The following ARG1 variants were observed in gnomAD, a reference collection of about 807,000 sequenced individuals.
ARG1 encodes arginase-1.
A neutral mutation model predicts 33.0 loss-of-function variants in ARG1; 20 were observed. That is an observed-to-expected ratio of 0.61 (90% CI 0.43 to 0.88). The LOEUF is 0.88. Ranked by LOEUF, ARG1 falls within the 40% of genes least tolerant of loss-of-function variation. The pLI, the probability that ARG1 is intolerant of heterozygous loss-of-function variation, is 0.00. For missense variants in ARG1, 374 were observed against 384.7 expected, an observed-to-expected ratio of 0.97 and a Z score of 0.23; for synonymous variants, 146 against 140.6, an observed-to-expected ratio of 1.04 and a Z score of -0.27.
chr6:131,573,534 G>A lies in ARG1; in HGVS notation c.57+195G>A, dbSNP rs9493029. Among the ~76,000 whole-genome samples, 1,346 of 152,044 alleles carry A rather than the reference G, an allele frequency of 8.9e-3. 22 individuals are homozygous for A. Among genetic ancestry groups the A allele is most frequent in the African/African-American group, 0.031 (1,268 of 41,486 alleles). On this transcript the variant is annotated intron_variant, in intron 1 of 7. Coordinates refer to ENST00000368087, the MANE Select transcript of ARG1 (RefSeq NM_000045.4). ...ACATATCCACTTACTTTTGTGGCTC[G>A]TGATCTCAGCCAAGGCTAAATTCAT...
intron 2 of ARG1, among the ~76,000 whole-genome samples, chr6:131,578,231 G>GT (rs1773725605): frequency 6.7e-6 from 1 of 148,284 alleles, no homozygotes; most frequent in Non-Finnish European, 1.5e-5. Context: ...GTAGAGAACA[G>GT]AATGCTTGGG....
intron 3 of ARG1, among the ~76,000 whole-genome samples, chr6:131,580,958 T>C (rs1050306516): frequency 6.6e-6 from 1 of 152,240 alleles, no homozygotes; most frequent in African/African-American, 2.4e-5. Flanking sequence ...ATCGTGGTTT[T>C]CTTACAAGGT....
At chr6:131,579,397 T>C in intron 3 of ARG1, 112 bp downstream of exon 3, 1 of 1,292,166 alleles carries the variant, frequency 7.7e-7, no homozygotes, top group Non-Finnish European at 1.1e-6. Flanking sequence ...CTATATTTTA[T>C]ATCAAATTTT....
At position 131,582,626 on chromosome 6, in the gene ARG1, C is replaced by A; in HGVS notation, c.471C>A (p.Pro157=). The A allele has an allele frequency of 1.2e-6, 2 of 1,613,142 alleles. No homozygotes were observed. The highest frequency in any genetic ancestry group is 8.5e-7 in the Non-Finnish European group (1 of 1,179,244). ...TGAAAACATTGTAATTTTAGATTCCCGATGTGCCAGGATTCTCCTGGGTGA... is the reference window on the plus strand; with the variant it reads ...TGAAAACATTGTAATTTTAGATTCCAGATGTGCCAGGATTCTCCTGGGTGA... The part of the protein sequence containing the change: ...FLLKELKGKI[P]DVPGFSWVTP... Residue 157 remains proline (P), a synonymous_variant, in exon 5 of 8, where the codon CCC becomes CCA. Coordinates refer to ENST00000368087, the MANE Select transcript of ARG1 (RefSeq NM_000045.4).
Position 131,583,885 on chromosome 6 carries a change from G to A in ARG1, c.946G>A (p.Asp316Asn), listed in dbSNP as rs929906801. 1 of 1,614,052 alleles carries A rather than the reference G, an allele frequency of 6.2e-7. No homozygotes were observed. Among genetic ancestry groups the A allele is most frequent in the Non-Finnish European group, 8.5e-7 (1 of 1,179,994 alleles). ...LAREGNHKPI[D>N]YLNPPK Reference sequence around the variant, plus strand: ...TCGGGAGGGTAATCACAAGCCTATTGACTACCTTAACCCACCTAAGTAAAT... The same window carrying A: ...TCGGGAGGGTAATCACAAGCCTATTAACTACCTTAACCCACCTAAGTAAAT... Residue 316 changes from aspartate to asparagine, a missense_variant, in exon 8 of 8, where the codon GAC becomes AAC. Physicochemically the swap from Asp to Asn is conservative, Grantham distance 23. Transcript: ENST00000368087.
At chr6:131,582,541 C>A in intron 4 of ARG1, 80 bp from the exon 5 acceptor site, 1 of 1,046,810 alleles carries the variant, frequency 9.6e-7, no homozygotes, top group Non-Finnish European at 1.5e-6. Context: ...TATACGCAAT[C>A]CAATATGTGT....
rs768028958 is a variant in ARG1 at position 131,583,922 on chromosome 6, C to T, written c.*14C>T. ...CCACCTAAGTAAATGTGGAAACATC[C>T]GATATAAATCTCATAGTTAATGGCA... On this transcript the variant is annotated 3_prime_UTR_variant, in exon 8 of 8. Coordinates refer to ENST00000368087, the MANE Select transcript of ARG1 (RefSeq NM_000045.4). 37 of 1,612,560 alleles carry T rather than the reference C, an allele frequency of 2.3e-5. No individual in the cohort carries two copies. Among genetic ancestry groups the T allele is most frequent in the East Asian group, 1.1e-4 (5 of 44,822 alleles).
chr6:131,582,698 C>T lies in ARG1; in HGVS notation c.543C>T (p.Asp181=), dbSNP rs745787043. The change falls in exon 5 of 8, where the codon GAC becomes GAT. Residue 181 remains aspartate (D), a synonymous_variant. Coordinates refer to ENST00000368087, the MANE Select transcript of ARG1 (RefSeq NM_000045.4). ...ATATTGTGTATATTGGCTTGAGAGA[C>T]GTGGACCCTGGGGAACAGTAAGCTT... ...AKDIVYIGLR[D]VDPGEHYILK... is the part of the protein sequence containing the mutation. 16 of 1,613,546 alleles carry T rather than the reference C, an allele frequency of 9.9e-6. No homozygotes were observed. The highest frequency in any genetic ancestry group is 3.3e-4 in the Middle Eastern group (2 of 6,082).
intron 3 of ARG1, 86 bp downstream of exon 3, chr6:131,579,371 A>G (rs1327010787): frequency 1.4e-6 from 2 of 1,472,642 alleles, no homozygotes; most frequent in African/African-American, 1.4e-5. Context: ...AGAAATATAG[A>G]CAGAAAAGCA....
In ARG1 at chr6:131,583,087, A is replaced by G; in HGVS notation, c.588A>G (p.Lys196=). 6.2e-7 allele frequency: 1 copy of G among 1,613,830 alleles called. No homozygotes were observed. The highest frequency in any genetic ancestry group is 1.1e-5 in the South Asian group (1 of 91,056). ...ACATTTTGAAAACTCTAGGCATTAA[A>G]TACTTTTCAATGACTGAAGTGGACA... The part of the protein sequence containing the change: ...EHYILKTLGI[K]YFSMTEVDRL... Residue 196 remains lysine, a synonymous_variant, in exon 6 of 8, where the codon AAA becomes AAG. Transcript: ENST00000368087.
chr6:131,573,286 A>G lies in ARG1; in HGVS notation c.4A>G (p.Ser2Gly). 1.5e-5 allele frequency: 25 copies of G among 1,614,084 alleles called. No homozygotes were observed. The highest frequency in any genetic ancestry group is 2.1e-5 in the Non-Finnish European group (25 of 1,179,978). Reference sequence around the variant, plus strand: ...CAGCAAAGAGAAGTGTCAGAGCATGAGCGCCAAGTCCAGAACCATAGGGAT... The same window carrying G: ...CAGCAAAGAGAAGTGTCAGAGCATGGGCGCCAAGTCCAGAACCATAGGGAT... M[S>G]AKSRTIGIIG... Residue 2 changes from serine to glycine, a missense_variant, in exon 1 of 8, where the codon AGC becomes GGC. By Grantham distance (56) the Ser-to-Gly change is moderately conservative. Transcript: ENST00000368087.
rs764273304 is a variant in ARG1, at chr6:131,583,398, G to C, written c.709G>C (p.Asp237His). ...IHLSFDVDGL[D>H]PSFTPATGTP... ...TCTAAGTTTTGATGTTGACGGACTG[G>C]ACCCATCTTTCACACCAGCTACTGG... Residue 237 changes from aspartate to histidine, a missense_variant, in exon 7 of 8, where the codon GAC (aspartate) becomes CAC (histidine). Coordinates refer to ENST00000368087, the MANE Select transcript of ARG1 (RefSeq NM_000045.4). 4 of 1,614,146 alleles carry C rather than the reference G, an allele frequency of 2.5e-6. No individual in the cohort carries two copies. The highest frequency in any genetic ancestry group is 2.2e-5 in the East Asian group (1 of 44,876).
chr6:131,580,714 G>A (rs892203171), intron 3 of ARG1, among the ~76,000 whole-genome samples: 1 of 152,066 alleles, frequency 6.6e-6, no homozygotes, highest in Non-Finnish European at 1.5e-5. Context: ...AAGAACTTGA[G>A]TAAGAACATG....
chr6:131,574,136 G>A (rs541784328), intron 1 of ARG1: 6 of 861,170 alleles, frequency 7.0e-6, no homozygotes, highest in East Asian at 2.5e-5. Context: ...ACTTCAACAC[G>A]CATCTGTGCT....
chr6:131,578,867 T>C (rs957400916), intron 2 of ARG1, among the ~76,000 whole-genome samples: 1 of 152,122 alleles, frequency 6.6e-6, no homozygotes, highest in Non-Finnish European at 1.5e-5. Context: ...CTAGTTTAAC[T>C]GGATGGATTC....
At chr6:131,578,313 G>A (rs542658585) in intron 2 of ARG1, among the ~76,000 whole-genome samples, 13 of 152,066 alleles carry the variant, frequency 8.5e-5, no homozygotes, top group African/African-American at 2.4e-4. Flanking sequence ...TCTTGGAGGC[G>A]TTACTAAATC....
chr6:131,575,153 G>C (rs988871133), intron 1 of ARG1, among the ~76,000 whole-genome samples: 1 of 152,176 alleles, frequency 6.6e-6, no homozygotes, highest in Non-Finnish European at 1.5e-5. Flanking sequence ...TTTAATGGCT[G>C]TGTTATAGCA....
In ARG1 at chr6:131,573,249, A is replaced by C. The variant is rs1773464654; in HGVS notation, c.-34A>C. The C allele has an allele frequency of 6.2e-7, 1 of 1,613,202 alleles. No individual in the cohort carries two copies. Among genetic ancestry groups the C allele is most frequent in the Non-Finnish European group, 8.5e-7 (1 of 1,179,182 alleles). ...CTGTCACTGAGGGTTGACTGACTGG[A>C]GAGCTCAAGTGCAGCAAAGAGAAGT... On this transcript the variant is annotated 5_prime_UTR_variant, in exon 1 of 8. Transcript: ENST00000368087.
rs371322627 is a variant in ARG1 at position 131,579,465 on chromosome 6, T to G, written c.305+180T>G. The G allele has an allele frequency of 6.9e-5, 41 of 592,966 alleles. No homozygotes were observed. In the African/African-American group the frequency reaches 7.1e-4, roughly 10 times the overall value. 36.7% of individuals were successfully genotyped at this position (592,966 alleles called of 1,614,324 possible). On this transcript the variant is annotated intron_variant, in intron 3 of 7. Coordinates refer to ENST00000368087, the MANE Select transcript of ARG1 (RefSeq NM_000045.4). ...ATTATAGAAACAGACTTCGCTCAAT[T>G]TGAAGTCTTACAATATCTGTATTTT...
Sources: allele counts gnomAD v4.1 joint callset (sites outside exome capture counted in the v4.1 genomes callset), GRCh38; gene constraint gnomAD v4.1.1; transcripts MANE v1.5; gene names NCBI Gene and HGNC (gene_info 2026-07-23, HGNC 2026-07-21).